CRLS1: variants seen among roughly 807,000 people sequenced by gnomAD.
CRLS1 encodes the protein cardiolipin synthase 1.
A neutral mutation model predicts 37.0 loss-of-function variants in CRLS1; 24 were observed. The observed-to-expected ratio is 0.65, with a 90% CI of 0.47 to 0.91. The LOEUF is 0.91. Ranked by LOEUF, CRLS1 falls within the 40% of genes least tolerant of loss-of-function variation. The pLI is 0.00. For synonymous variants in CRLS1, 135 were observed against 159.7 expected, an observed-to-expected ratio of 0.85 and a Z score of 1.17; for missense variants, 373 against 395.8, an observed-to-expected ratio of 0.94 and a Z score of 0.49.
At chr20:6,009,942 C>G in intron 2 of CRLS1, 30 bp downstream of exon 2, 4 of 1,606,884 alleles carry the variant, frequency 2.5e-6, no homozygotes, top group South Asian at 1.1e-5. Context: ...CCAGTTTGCT[C>G]TCCTTCCAAA....
At chr20:6,020,948 G>A (rs1003903639) in intron 3 of CRLS1, among the ~76,000 whole-genome samples, 1 of 151,678 alleles carries the variant, frequency 6.6e-6, no homozygotes, top group African/African-American at 2.4e-5. Context: ...TGCTTTTTAA[G>A]TCTTCTCTTT....
chr20:6,031,036 T>C, intron 3 of CRLS1: 1 of 357,114 alleles, frequency 2.8e-6, no homozygotes, highest in Non-Finnish European at 5.0e-6. Context: ...ATCAGCATAC[T>C]GAAAGGCAGA....
intron 2 of CRLS1, among the ~76,000 whole-genome samples, chr20:6,011,571 G>C (rs1316010313): frequency 2.3e-5 from 1 of 42,624 alleles, no homozygotes; most frequent in African/African-American, 6.6e-5. Context: ...TTTTGTCCCT[G>C]CTTTTTTTTT....
At chr20:6,026,164 T>C (rs763381758) in intron 3 of CRLS1, 3 of 152,244 alleles carry the variant, frequency 2.0e-5, no homozygotes, top group African/African-American at 7.2e-5. Context: ...TGTTGTCTTA[T>C]TTTAAGAAAT....
chr20:6,009,982 C>G, intron 2 of CRLS1, 70 bp downstream of exon 2: 1 of 1,462,360 alleles, frequency 6.8e-7, no homozygotes. Flanking sequence ...ACCGAAATAG[C>G]ATAGCCTTAG....
chr20:6,007,243 G>A (rs2090070122), intron 1 of CRLS1: 16 of 1,512,172 alleles, frequency 1.1e-5, no homozygotes, highest in Non-Finnish European at 1.4e-5. Context: ...CCCCTGTACT[G>A]CTTTCATCAG....
intron 3 of CRLS1, among the ~76,000 whole-genome samples, chr20:6,016,474 T>TGTGTGTGA (rs11474595): frequency 0.051 from 7,700 of 151,382 alleles, 207 homozygotes; most frequent in African/African-American, 0.069. Context: ...TGTGTGTGTG[T>TGTGTGTGA]GAGTTTTCTT....
chr20:6,026,734 A>G (rs1979739145), intron 3 of CRLS1, among the ~76,000 whole-genome samples: 1 of 152,166 alleles, frequency 6.6e-6, no homozygotes, highest in Non-Finnish European at 1.5e-5. Flanking sequence ...TCTATTCTGT[A>G]GATCCTAGCT....
At chr20:6,030,277 G>C (rs2123015177) in intron 3 of CRLS1, among the ~76,000 whole-genome samples, 1 of 152,154 alleles carries the variant, frequency 6.6e-6, no homozygotes, top group African/African-American at 2.4e-5. Flanking sequence ...GGTTCCTTGG[G>C]TATTTATTTT....
At position 6,006,483 on chromosome 20, in the gene CRLS1, A is replaced by C. The variant is rs2090056770; in HGVS notation, c.237A>C (p.Pro79=). The change falls in exon 1 of 7, where the codon CCA becomes CCC. Residue 79 remains proline (P), a synonymous_variant. Coordinates refer to ENST00000378863, the MANE Select transcript of CRLS1 (RefSeq NM_019095.6). ...GCGCGGGGAAGGCGGCTCCCAGGCC[A>C]GCGGCCGGAGCGGGCGCCGCTGCCG... ...CSGAGKAAPR[P]AAGAGAAAEA... is the part of the protein sequence containing the mutation. The C allele has an allele frequency of 3.6e-6, 5 of 1,375,916 alleles. No individual in the cohort carries two copies. Among genetic ancestry groups the C allele is most frequent in the Non-Finnish European group, 4.7e-6 (5 of 1,069,860 alleles). 85.2% of individuals were successfully genotyped at this position (1,375,916 alleles called of 1,614,324 possible). A position where few individuals can be genotyped will look rare whatever the true frequency, so the allele number is the denominator to read the frequency against.
rs1284134886 is a variant in CRLS1, at chr20:6,034,513, C to T, written c.779C>T (p.Pro260Leu). The change falls in exon 6 of 7, where the codon CCA becomes CTA. Residue 260 changes from proline to leucine, a missense_variant. Physicochemically the swap from Pro to Leu is moderately conservative, Grantham distance 98 (BLOSUM62 -3). Coordinates refer to ENST00000378863, the MANE Select transcript of CRLS1 (RefSeq NM_019095.6). ...LILVAASLAA[P>L]VFNYADSIYL... ...TTGGTGGCAGCTTCTTTGGCAGCTC[C>T]AGTTTTCAACTATGCTGACAGCATT... 2.5e-6 allele frequency: 4 copies of T among 1,612,930 alleles called. No homozygotes were observed. Among genetic ancestry groups the T allele is most frequent in the Non-Finnish European group, 1.7e-6 (2 of 1,179,806 alleles).
At chr20:6,020,483 C>T (rs781695234) in intron 3 of CRLS1, among the ~76,000 whole-genome samples, 1 of 152,138 alleles carries the variant, frequency 6.6e-6, no homozygotes, top group Non-Finnish European at 1.5e-5. Context: ...AGAACATGCT[C>T]TGTGATTTCA....
rs776326624 is a variant in CRLS1, at chr20:6,034,532, C to T, written c.798C>T (p.Asp266=). ...SLAAPVFNYA[D]SIYLQILWCF... is the part of the protein sequence containing the mutation. ...CAGCTCCAGTTTTCAACTATGCTGA[C>T]AGCATTTATCTTCAGATACTATGGT... is the stretch of plus-strand genomic sequence containing the variant. The change falls in exon 6 of 7, where the codon GAC becomes GAT. Residue 266 remains aspartate, a synonymous_variant. Coordinates refer to ENST00000378863, the MANE Select transcript of CRLS1 (RefSeq NM_019095.6). The T allele has an allele frequency of 3.7e-6, 6 of 1,611,684 alleles. No individual in the cohort carries two copies. In the Admixed American group the frequency reaches 1.0e-4, roughly 27 times the overall value.
intron 6 of CRLS1, among the ~76,000 whole-genome samples, chr20:6,036,027 A>G (rs2123034932): frequency 6.6e-6 from 1 of 151,668 alleles, no homozygotes; most frequent in South Asian, 2.1e-4. Context: ...CTGGTCTCGA[A>G]CTCCTGGCCT....
Position 6,037,053 on chromosome 20 carries a change from ATTTC to A in CRLS1, c.822-17_822-14del. ...TTTTTAGACTTGACAACTACATTTT[ATTTC>A]TTTTCTTCCATAAAAGGTGTTTTAC... On this transcript the variant is annotated splice_polypyrimidine_tract_variant and intron_variant, in intron 6 of 6. Transcript: ENST00000378863. 1 of 1,574,404 alleles carries A rather than the reference ATTTC, an allele frequency of 6.4e-7. No homozygotes were observed. Among genetic ancestry groups the A allele is most frequent in the Non-Finnish European group, 8.7e-7 (1 of 1,147,198 alleles).
chr20:6,036,950 A>T, intron 6 of CRLS1, 124 bp from the exon 7 acceptor site: 1 of 632,846 alleles, frequency 1.6e-6, no homozygotes, highest in Non-Finnish European at 2.7e-6. Flanking sequence ...TACACCACAG[A>T]GCCCTTTTTA....
chr20:6,033,186 A>G (rs1980305649), intron 5 of CRLS1, among the ~76,000 whole-genome samples: 1 of 151,158 alleles, frequency 6.6e-6, no homozygotes, highest in South Asian at 2.1e-4. Flanking sequence ...CTGGAGTGCA[A>G]TGACGCGATC....
At chr20:6,020,708 T>C (rs952402475) in intron 3 of CRLS1, among the ~76,000 whole-genome samples, 7 of 151,762 alleles carry the variant, frequency 4.6e-5, no homozygotes, top group Non-Finnish European at 1.0e-4. Flanking sequence ...CTGCAAGCTC[T>C]GCCTCCTGGG....
chr20:6,014,603 G>A (rs955654251), intron 2 of CRLS1, among the ~76,000 whole-genome samples: 3 of 152,122 alleles, frequency 2.0e-5, no homozygotes, highest in Non-Finnish European at 4.4e-5. Flanking sequence ...TGGCCCCAGA[G>A]TGGCCAGACC....
Sources: allele counts gnomAD v4.1 joint callset (sites outside exome capture counted in the v4.1 genomes callset), GRCh38; gene constraint gnomAD v4.1.1; transcripts MANE v1.5; gene names NCBI Gene and HGNC (gene_info 2026-07-23, HGNC 2026-07-21).